Variants in CLIC5 observed in about 807,000 individuals in gnomAD.
CLIC5 encodes the protein CLIC family member 5.
A neutral mutation model predicts 24.7 loss-of-function variants in CLIC5; 20 were observed. The observed-to-expected ratio is 0.81, with a 90% CI of 0.57 to 1.18. The LOEUF is 1.18. Ranked by LOEUF, CLIC5 falls within the 50% of genes most tolerant of loss-of-function variation. The pLI, the probability that CLIC5 is intolerant of heterozygous loss-of-function variation, is 0.00. For missense variants in CLIC5, 341 were observed against 326.1 expected, an observed-to-expected ratio of 1.05 and a Z score of -0.35; for synonymous variants, 159 against 135.6, an observed-to-expected ratio of 1.17 and a Z score of -1.20.
At chr6:45,914,984 C>G (rs917243041) in intron 4 of CLIC5, among the ~76,000 whole-genome samples, 1 of 151,878 alleles carries the variant, frequency 6.6e-6, no homozygotes, top group Non-Finnish European at 1.5e-5. Context: ...AGCTGGAGTG[C>G]AGTGGCGTGA....
intron 4 of CLIC5, chr6:45,920,606 G>A (rs375146214): frequency 1.0e-5 from 8 of 795,102 alleles, no homozygotes; most frequent in Admixed American, 6.2e-5. Context: ...GAATGGTAAC[G>A]TGATGGAAAC....
chr6:46,107,413 A>G, the CLIC5 span, among the ~76,000 whole-genome samples: 2 of 152,328 alleles, frequency 1.3e-5, no homozygotes, highest in Non-Finnish European at 2.9e-5. Flanking sequence ...TCCTCCAGGC[A>G]TAGTCTTCAC....
chr6:45,924,575 G>A (rs1763402760), intron 4 of CLIC5, among the ~76,000 whole-genome samples: 1 of 152,002 alleles, frequency 6.6e-6, no homozygotes, highest in Non-Finnish European at 1.5e-5. Flanking sequence ...TCTAGTAGGG[G>A]GTAAATGACT....
At position 45,906,138 on chromosome 6, in the gene CLIC5, G is replaced by T. The variant is rs572317023; in HGVS notation, c.589-2883C>A. Among the ~76,000 whole-genome samples, 14 of 152,290 alleles carry T rather than the reference G, an allele frequency of 9.2e-5. No homozygotes were observed. The East Asian group carries it at 2.7e-3, about 29-fold the overall frequency. ...GCCTTATAGTGCAGTTTGAAGTCAG[G>T]TAATGTGACACCTCCAGCTTTGTTC... On this transcript the variant is annotated intron_variant, in intron 5 of 5. Coordinates refer to ENST00000339561, the MANE Select transcript of CLIC5 (RefSeq NM_016929.5).
chr6:46,070,398 C>A (rs948303441), intron 1 of CLIC5, among the ~76,000 whole-genome samples: 9 of 152,024 alleles, frequency 5.9e-5, no homozygotes, highest in Non-Finnish European at 1.2e-4. Context: ...AATCAATGTA[C>A]AAAAATCACT....
intron 1 of CLIC5, among the ~76,000 whole-genome samples, chr6:46,023,863 T>A (rs1767253781): frequency 6.7e-6 from 1 of 149,728 alleles, no homozygotes; most frequent in African/African-American, 2.5e-5. Flanking sequence ...TTGGACGGAG[T>A]CCAAGATAAA....
At chr6:46,083,998 G>C (rs1296210170), upstream of CLIC5, among the ~76,000 whole-genome samples, 3 of 152,142 alleles carry the variant, frequency 2.0e-5, no homozygotes, top group East Asian at 1.9e-4. Flanking sequence ...GTTAGCTCTT[G>C]TTGTTGAATT....
intron 1 of CLIC5, among the ~76,000 whole-genome samples, chr6:45,996,561 A>G (rs1469692166): frequency 6.6e-6 from 1 of 152,126 alleles, no homozygotes; most frequent in African/African-American, 2.4e-5. Context: ...AGCTTTCTAC[A>G]TATGGCTAGC....
chr6:46,079,575 C>T, intron 1 of CLIC5: 1 of 773,312 alleles, frequency 1.3e-6, no homozygotes, highest in Non-Finnish European at 2.1e-6. Context: ...GTCCCTCCGA[C>T]TCCTGAATAT....
intron 1 of CLIC5, among the ~76,000 whole-genome samples, chr6:45,981,593 A>C (rs1765569528): frequency 6.6e-6 from 1 of 152,066 alleles, no homozygotes; most frequent in South Asian, 2.1e-4. Flanking sequence ...CTTAGTTACC[A>C]CCTCTGTGGG....
chr6:46,052,384 T>C (rs1197264222), intron 1 of CLIC5, among the ~76,000 whole-genome samples: 4 of 152,070 alleles, frequency 2.6e-5, no homozygotes, highest in Non-Finnish European at 2.9e-5. Flanking sequence ...AGTAGAGAAG[T>C]AGGAAAAGGA....
chr6:46,090,340 T>G, the CLIC5 span, among the ~76,000 whole-genome samples: 181 of 151,918 alleles, frequency 1.2e-3, 1 homozygote, highest in African/African-American at 3.9e-3. Flanking sequence ...CCCCAACGCC[T>G]CCTCCAGAGC....
chr6:46,087,294 A>G, the CLIC5 span, among the ~76,000 whole-genome samples: 40 of 152,326 alleles, frequency 2.6e-4, no homozygotes, highest in African/African-American at 9.4e-4. Flanking sequence ...AAATATTGCA[A>G]AACTGAGACA....
At chr6:45,928,128 G>A (rs944592576) in intron 4 of CLIC5, among the ~76,000 whole-genome samples, 1 of 152,128 alleles carries the variant, frequency 6.6e-6, no homozygotes, top group Non-Finnish European at 1.5e-5. Context: ...AAGAAAGCCT[G>A]GGGTTTTAAA....
At chr6:45,973,937 A>C (rs1374436843) in intron 1 of CLIC5, among the ~76,000 whole-genome samples, 1 of 152,054 alleles carries the variant, frequency 6.6e-6, no homozygotes, top group East Asian at 1.9e-4. Context: ...TCAAAAAAAA[A>C]AAAAGCAGAA....
At chr6:45,993,118 T>A (rs1036376238) in intron 1 of CLIC5, among the ~76,000 whole-genome samples, 1 of 152,224 alleles carries the variant, frequency 6.6e-6, no homozygotes, top group African/African-American at 2.4e-5. Flanking sequence ...CTCCAGTTGG[T>A]CCTGAAGCAC....
At chr6:46,038,238 G>A (rs1562018492) in intron 1 of CLIC5, among the ~76,000 whole-genome samples, 1 of 152,274 alleles carries the variant, frequency 6.6e-6, no homozygotes, top group Middle Eastern at 3.4e-3. Flanking sequence ...CAGTCAGTTA[G>A]CAGACTGCAT....
At chr6:46,043,950 C>CA (rs1335600103) in intron 1 of CLIC5, among the ~76,000 whole-genome samples, 2 of 152,222 alleles carry the variant, frequency 1.3e-5, no homozygotes, top group African/African-American at 2.4e-5. Flanking sequence ...CTGCTGTGTG[C>CA]AATGTCCTCT....
chr6:46,106,878 G>A, the CLIC5 span, among the ~76,000 whole-genome samples: 1 of 152,168 alleles, frequency 6.6e-6, no homozygotes, highest in South Asian at 2.1e-4. Flanking sequence ...CATTTACAAA[G>A]GTACAGTTTG....
Sources: allele counts gnomAD v4.1 joint callset (sites outside exome capture counted in the v4.1 genomes callset), GRCh38; gene constraint gnomAD v4.1.1; transcripts MANE v1.5; gene names NCBI Gene and HGNC (gene_info 2026-07-23, HGNC 2026-07-21).